Variants in PPARGC1B observed in about 807,000 individuals in gnomAD.
PPARGC1B encodes peroxisome proliferator-activated receptor gamma coactivator 1-beta.
PPARGC1B carries 34 observed loss-of-function variants against 101.6 expected under a neutral mutation model. That is an observed-to-expected ratio of 0.33 (90% CI 0.25 to 0.45). The LOEUF is 0.45. PPARGC1B is among the 20% of genes least tolerant of loss of function. The probability of loss-of-function intolerance (pLI) is 1.00; values close to 1 mark genes in which losing one functional copy is unlikely to be tolerated. For synonymous variants in PPARGC1B, 548 were observed against 539.3 expected (o/e 1.02, Z -0.22); for missense variants, 1,234 against 1,317.6 (o/e 0.94, Z 0.98).
At chr5:149,847,437 C>T in intron 11 of PPARGC1B, 21 bp from the exon 12 acceptor site, 4 of 1,580,564 alleles carry the variant, frequency 2.5e-6, no homozygotes, top group Non-Finnish European at 3.5e-6. Context: ...CTCTTCCCTG[C>T]CTCTTCACCC....
At chr5:149,759,882 C>A (rs1755660025) in intron 1 of PPARGC1B, among the ~76,000 whole-genome samples, 1 of 152,216 alleles carries the variant, frequency 6.6e-6, no homozygotes, top group South Asian at 2.1e-4. Flanking sequence ...CTAAGTCAGG[C>A]AGCTTGTTAG....
chr5:149,798,765 C>G (rs990905805), intron 1 of PPARGC1B, among the ~76,000 whole-genome samples: 2 of 152,224 alleles, frequency 1.3e-5, no homozygotes, highest in Non-Finnish European at 2.9e-5. Context: ...CTTACCATCC[C>G]TGGGACTCAG....
At chr5:149,769,243 G>A (rs1756032458) in intron 1 of PPARGC1B, among the ~76,000 whole-genome samples, 1 of 152,218 alleles carries the variant, frequency 6.6e-6, no homozygotes, top group African/African-American at 2.4e-5. Context: ...ATGGGGAGCA[G>A]CTGTAAATAC....
intron 8 of PPARGC1B, among the ~76,000 whole-genome samples, chr5:149,838,648 A>G (rs1455216859): frequency 6.6e-6 from 1 of 152,120 alleles, no homozygotes; most frequent in Non-Finnish European, 1.5e-5. Context: ...GCCTGCATTC[A>G]TAGAATTGCC....
chr5:149,736,556 G>T (rs755866818), intron 1 of PPARGC1B, among the ~76,000 whole-genome samples: 1 of 152,086 alleles, frequency 6.6e-6, no homozygotes, highest in Non-Finnish European at 1.5e-5. Flanking sequence ...TGATCTTTCT[G>T]TTCTTCTCCC....
chr5:149,791,291 CA>C (rs35687935), intron 1 of PPARGC1B, among the ~76,000 whole-genome samples: 58,796 of 135,368 alleles, frequency 0.43, 12,298 homozygotes, highest in East Asian at 0.69. Flanking sequence ...GACTCCATCT[CA>C]AAAAAAAAAA....
In PPARGC1B at chr5:149,816,699, T is replaced by A. The variant is rs966494452; in HGVS notation, c.79-3734T>A. Reference sequence around the variant, plus strand: ...TACAAAGGTGGCTGCTCTGAGTTACTGGAGAGAGGGAGATCTGGAACATAG... The same window carrying A: ...TACAAAGGTGGCTGCTCTGAGTTACAGGAGAGAGGGAGATCTGGAACATAG... On this transcript the variant is annotated intron_variant, in intron 1 of 11. Transcript: ENST00000309241. Among the ~76,000 whole-genome samples the A allele has an allele frequency of 2.6e-5, 4 of 152,192 alleles. No homozygotes were observed. In the South Asian group the frequency reaches 8.3e-4, roughly 31 times the overall value.
chr5:149,784,560 CTTTTTTTT>C (rs72364863), intron 1 of PPARGC1B, among the ~76,000 whole-genome samples: 12 of 75,704 alleles, frequency 1.6e-4, no homozygotes, highest in Admixed American at 4.0e-4. Flanking sequence ...AACTGAGTTT[CTTTTTTTT>C]TTTTTTTTTT....
intron 1 of PPARGC1B, among the ~76,000 whole-genome samples, chr5:149,744,940 G>C (rs138378069): frequency 7.6e-6 from 1 of 132,426 alleles, no homozygotes; most frequent in East Asian, 2.2e-4. Flanking sequence ...ACAGGGTCTT[G>C]CTCTGTTGCC....
intron 1 of PPARGC1B, among the ~76,000 whole-genome samples, chr5:149,733,496 G>A (rs957429567): frequency 2.0e-5 from 3 of 152,228 alleles, no homozygotes; most frequent in Non-Finnish European, 4.4e-5. Context: ...CAAGCACTTT[G>A]TGTGAGTCTG....
At chr5:149,814,504 C>T (rs907396267) in intron 1 of PPARGC1B, among the ~76,000 whole-genome samples, 1 of 152,020 alleles carries the variant, frequency 6.6e-6, no homozygotes, top group Non-Finnish European at 1.5e-5. Context: ...GGGAGGTGAC[C>T]CAATGAAGGA....
At chr5:149,856,977 C>T (rs77507424), downstream of PPARGC1B, among the ~76,000 whole-genome samples, 4 of 151,956 alleles carry the variant, frequency 2.6e-5, no homozygotes, top group Non-Finnish European at 4.4e-5. Flanking sequence ...CCACCATGTT[C>T]GCCAGACTGG....
Position 149,833,747 on chromosome 5 carries a change from G to A in PPARGC1B, c.1674G>A (p.Glu558=), listed in dbSNP as rs766024724. 2.2e-5 allele frequency: 35 copies of A among 1,561,030 alleles called. No individual in the cohort carries two copies. Among genetic ancestry groups the A allele is most frequent in the Non-Finnish European group, 2.9e-5 (34 of 1,158,062 alleles). Residue 558 remains glutamate, a synonymous_variant, in exon 5 of 12, where the codon GAG becomes GAA. Transcript: ENST00000309241. The surrounding 1 kb of genome is among the most constrained non-coding windows in gnomAD (Gnocchi z 4.1). ...PCESGCGDMD[E]DPSCPQLPPR... The stretch of plus-strand genomic sequence containing the variant: ...AGAGTGGGTGTGGGGACATGGATGA[G>A]GACCCCAGCTGCCCGCAGCTCCCTC...
intron 1 of PPARGC1B, among the ~76,000 whole-genome samples, chr5:149,777,752 C>A (rs1470896622): frequency 6.6e-6 from 1 of 150,858 alleles, no homozygotes; most frequent in African/African-American, 2.4e-5. Context: ...GATGGGGACA[C>A]TTGGAAGTAG....
chr5:149,815,738 AGTTTTACCAT>A (rs1162901364), intron 1 of PPARGC1B, among the ~76,000 whole-genome samples: 2 of 152,176 alleles, frequency 1.3e-5, no homozygotes, highest in East Asian at 3.9e-4. Context: ...GTAGAAATGC[AGTTTTACCAT>A]GTTGGCCAGG....
chr5:149,812,614 T>C (rs1757908297), intron 1 of PPARGC1B, among the ~76,000 whole-genome samples: 3 of 152,228 alleles, frequency 2.0e-5, no homozygotes, highest in Non-Finnish European at 4.4e-5. Flanking sequence ...TGGGAATCTA[T>C]CTCTGTCTGT....
chr5:149,799,990 C>T (rs761555637), intron 1 of PPARGC1B, among the ~76,000 whole-genome samples: 1 of 151,902 alleles, frequency 6.6e-6, no homozygotes, highest in Non-Finnish European at 1.5e-5. Context: ...TGAGCCATTG[C>T]GCTTGGCTGG....
chr5:149,766,636 G>A (rs1372037517), intron 1 of PPARGC1B, among the ~76,000 whole-genome samples: 2 of 152,184 alleles, frequency 1.3e-5, no homozygotes, highest in African/African-American at 4.8e-5. Context: ...AGGGTGTCAC[G>A]GGCTGCATTC....
intron 2 of PPARGC1B, 86 bp from the exon 3 acceptor site, chr5:149,826,587 G>C: frequency 9.5e-7 from 1 of 1,058,146 alleles, no homozygotes; most frequent in East Asian, 2.4e-5. Flanking sequence ...GGGCAGAGCT[G>C]GTGTCCACCG....
Sources: allele counts gnomAD v4.1 joint callset (sites outside exome capture counted in the v4.1 genomes callset), GRCh38; gene constraint gnomAD v4.1.1; non-coding constraint Gnocchi (gnomAD v3.1); transcripts MANE v1.5; gene names NCBI Gene and HGNC (gene_info 2026-07-23, HGNC 2026-07-21).